Variants in KDM4A observed in about 807,000 individuals in gnomAD.
The protein encoded by KDM4A is lysine demethylase 4A.
In KDM4A, 23 loss-of-function variants were observed where a neutral mutation model predicts 127.1. The observed-to-expected ratio is 0.18, with a 90% CI of 0.13 to 0.26. The LOEUF (loss-of-function observed/expected upper bound fraction) is 0.26. Among genes scored for constraint, KDM4A ranks in the 10% least tolerant of loss-of-function variants. The pLI is 1.00. For synonymous variants in KDM4A, 443 were observed against 466.5 expected (o/e 0.95, Z 0.65); for missense variants, 890 against 1,329.1 (o/e 0.67, Z 5.14).
rs1054629780 is a variant in KDM4A, at chr1:43,693,251, A to G, written c.2376-743A>G. On this transcript the variant is annotated intron_variant, in intron 16 of 21. Coordinates refer to ENST00000372396, the MANE Select transcript of KDM4A (RefSeq NM_014663.3). The surrounding 1 kb of genome is among the most constrained non-coding windows in gnomAD (Gnocchi z 4.2). ...TGTTCTGCCCTCCAGGGCCACACAGAACAAATCTGTTCCCACTCTAAAAAG... is the reference window on the plus strand; with the variant it reads ...TGTTCTGCCCTCCAGGGCCACACAGGACAAATCTGTTCCCACTCTAAAAAG... Among the ~76,000 whole-genome samples, 6 of 152,220 alleles carry G rather than the reference A, an allele frequency of 3.9e-5. No homozygotes were observed. The highest frequency in any genetic ancestry group is 7.3e-5 in the Non-Finnish European group (5 of 68,044).
At chr1:43,692,951 C>T (rs955879954) in intron 16 of KDM4A, among the ~76,000 whole-genome samples, 9 of 152,184 alleles carry the variant, frequency 5.9e-5, no homozygotes, top group Admixed American at 2.0e-4. Context: ...GGGCATGGTG[C>T]GTGCAGGTCA....
intron 3 of KDM4A, among the ~76,000 whole-genome samples, 186 bp downstream of exon 3, chr1:43,655,952 A>G (rs904600646): frequency 6.6e-6 from 1 of 152,180 alleles, no homozygotes; most frequent in Non-Finnish European, 1.5e-5. Flanking sequence ...GTCCCAGTCT[A>G]AACCTGTTCC....
intron 11 of KDM4A, among the ~76,000 whole-genome samples, chr1:43,678,875 C>T (rs1257136803): frequency 6.6e-6 from 1 of 152,150 alleles, no homozygotes; most frequent in Non-Finnish European, 1.5e-5. Context: ...CATGAGCCAC[C>T]ACACCCAGCC....
At chr1:43,695,911 A>C (rs1344661207) in intron 18 of KDM4A, among the ~76,000 whole-genome samples, 2 of 152,158 alleles carry the variant, frequency 1.3e-5, no homozygotes, top group Admixed American at 6.5e-5. Flanking sequence ...GATGGGAAGG[A>C]TGCTAATATG....
chr1:43,692,847 G>GGA (rs1244069994), intron 16 of KDM4A, among the ~76,000 whole-genome samples: 5 of 152,198 alleles, frequency 3.3e-5, no homozygotes. Flanking sequence ...TCGTTTTCAT[G>GGA]GAGTGAATCT....
intron 7 of KDM4A, 128 bp downstream of exon 7, chr1:43,666,683 T>C: frequency 1.3e-6 from 1 of 787,122 alleles, no homozygotes; most frequent in Non-Finnish European, 2.1e-6. Flanking sequence ...AACAACACTT[T>C]GATCTAAGAG....
chr1:43,659,658 A>G (rs1557903995), intron 3 of KDM4A, among the ~76,000 whole-genome samples: 1 of 152,224 alleles, frequency 6.6e-6, no homozygotes, highest in Non-Finnish European at 1.5e-5. Flanking sequence ...AGATAGGTAG[A>G]TATAAATATG....
chr1:43,665,763 T>C lies in KDM4A; in HGVS notation c.673+18T>C. On this transcript the variant is annotated intron_variant, in intron 6 of 21. Transcript: ENST00000372396. ...CGCCAAAGGTACTGTGTCTCTTCTG[T>C]TTGCTGGATTGGACCCTCCTATGAG... 1 of 1,613,682 alleles carries C rather than the reference T, an allele frequency of 6.2e-7. No individual in the cohort carries two copies. The highest frequency in any genetic ancestry group is 8.5e-7 in the Non-Finnish European group (1 of 1,179,690).
chr1:43,703,913 T>G, intron 20 of KDM4A, 107 bp from the exon 21 acceptor site: 1 of 1,296,552 alleles, frequency 7.7e-7, no homozygotes, highest in Non-Finnish European at 1.1e-6. Flanking sequence ...GTTGTTATTT[T>G]AGTGTTCTAA....
At chr1:43,673,353 G>A (rs1026281102) in intron 11 of KDM4A, among the ~76,000 whole-genome samples, 1 of 152,026 alleles carries the variant, frequency 6.6e-6, no homozygotes, top group African/African-American at 2.4e-5. Context: ...TCTGACGTAC[G>A]TACAAAATAC....
At chr1:43,674,364 A>G (rs1204802093) in intron 11 of KDM4A, among the ~76,000 whole-genome samples, 2 of 152,210 alleles carry the variant, frequency 1.3e-5, no homozygotes, top group Admixed American at 6.5e-5. Context: ...GCAGGAAGCC[A>G]ATAAATAACA....
At chr1:43,660,827 T>G (rs554672142) in intron 4 of KDM4A, among the ~76,000 whole-genome samples, 27 of 152,298 alleles carry the variant, frequency 1.8e-4, no homozygotes, top group African/African-American at 6.5e-4. Flanking sequence ...CAAACAAGAT[T>G]CTGTGGCAAA....
intron 18 of KDM4A, among the ~76,000 whole-genome samples, chr1:43,697,508 T>C (rs1187831960): frequency 6.6e-6 from 1 of 152,214 alleles, no homozygotes; most frequent in African/African-American, 2.4e-5. Context: ...CCTTCGATAC[T>C]TTGATGTCAG....
chr1:43,671,633 C>A lies in KDM4A; in HGVS notation c.1492C>A (p.Arg498Ser). The A allele has an allele frequency of 6.2e-7, 1 of 1,613,588 alleles. No individual in the cohort carries two copies. Among genetic ancestry groups the A allele is most frequent in the East Asian group, 2.2e-5 (1 of 44,880 alleles). ...TGTGAATCCTGCGTCTGTAGGGGGA[C>A]GCCTTGTCTTCTCAGGCTCCAAAAA... is the stretch of plus-strand genomic sequence containing the variant. ...LSVNPASVGGRLVFSGSKKKS... is the reference protein window; with the variant it reads ...LSVNPASVGGSLVFSGSKKKS... The change falls in exon 11 of 22, where the codon CGC becomes AGC. Residue 498 changes from arginine (R) to serine (S), a missense_variant. By Grantham distance (110) the Arg-to-Ser change is moderately radical. Around this residue, in one of 7 missense-constraint regions of KDM4A, gnomAD observed 389 missense variants for 485.9 expected, o/e 0.80. Coordinates refer to ENST00000372396, the MANE Select transcript of KDM4A (RefSeq NM_014663.3).
At chr1:43,700,595 T>C (rs1661364307) in intron 19 of KDM4A, among the ~76,000 whole-genome samples, 1 of 152,286 alleles carries the variant, frequency 6.6e-6, no homozygotes, top group South Asian at 2.1e-4. Context: ...CAGGCATGCA[T>C]GGCTATTTGT....
intron 12 of KDM4A, among the ~76,000 whole-genome samples, chr1:43,685,341 C>T (rs1262766704): frequency 6.6e-6 from 1 of 152,120 alleles, no homozygotes; most frequent in Admixed American, 6.5e-5. Flanking sequence ...TGACTGGGCC[C>T]TGTCACCTTC....
chr1:43,692,215 T>G, intron 15 of KDM4A, 41 bp from the exon 16 acceptor site: 1 of 1,573,752 alleles, frequency 6.4e-7, no homozygotes, highest in Non-Finnish European at 8.7e-7. Context: ...TGTTAATGAC[T>G]TGGTATTAAC....
At chr1:43,652,440 T>C (rs1466408062) in intron 1 of KDM4A, among the ~76,000 whole-genome samples, 3 of 152,186 alleles carry the variant, frequency 2.0e-5, no homozygotes, top group Non-Finnish European at 4.4e-5. Context: ...GCAGTTTTGA[T>C]ACATCAGGTT....
In KDM4A at chr1:43,655,585, C is replaced by G. The variant is rs756572591; in HGVS notation, c.139-6C>G. The G allele has an allele frequency of 1.2e-6, 2 of 1,604,086 alleles. No individual in the cohort carries two copies. The highest frequency in any genetic ancestry group is 2.7e-5 in the African/African-American group (2 of 74,522). On this transcript the variant is annotated splice_polypyrimidine_tract_variant and splice_region_variant and intron_variant, in intron 2 of 21. Coordinates refer to ENST00000372396, the MANE Select transcript of KDM4A (RefSeq NM_014663.3). Reference sequence around the variant, plus strand: ...TCTGTCTTTTTGTTTCTTGTGTTCCCTTCAGGTTGTTCCTCCAAAAGAGTG... The same window carrying G: ...TCTGTCTTTTTGTTTCTTGTGTTCCGTTCAGGTTGTTCCTCCAAAAGAGTG...
Sources: gnomAD v4.1 joint callset for allele counts (sites outside exome capture counted in the v4.1 genomes callset) on GRCh38, gnomAD v4.1.1 for gene constraint, gnomAD v4.1.1 regional missense constraint, Gnocchi (gnomAD v3.1) non-coding constraint, MANE v1.5 for transcripts, NCBI Gene and HGNC (gene_info 2026-07-23, HGNC 2026-07-21) for gene names.